The following LAMA1 variants were observed in gnomAD, a reference collection of about 807,000 sequenced individuals.
LAMA1 encodes the protein laminin subunit alpha-1.
Under a neutral mutation model 348.7 loss-of-function variants are expected in LAMA1, and 219 were observed. That is an observed-to-expected ratio of 0.63 (90% confidence interval 0.56 to 0.70). The LOEUF (loss-of-function observed/expected upper bound fraction) is 0.70. Ranked by LOEUF, LAMA1 falls within the 30% of genes least tolerant of loss-of-function variation. The pLI is 0.00. For synonymous variants in LAMA1, 1,487 were observed against 1,491.0 expected (o/e 1.00, Z 0.06); for missense variants, 3,744 against 3,888.0 (o/e 0.96, Z 0.99).
At chr18:6,961,482 AG>A in intron 53 of LAMA1, 103 bp downstream of exon 53, 1 of 1,374,620 alleles carries the variant, frequency 7.3e-7, no homozygotes, top group African/African-American at 1.4e-5. Context: ...ATAAACAACC[AG>A]GAACACGGTG....
At chr18:6,974,844 A>T in intron 46 of LAMA1, 59 bp downstream of exon 46, 1 of 1,601,184 alleles carries the variant, frequency 6.2e-7, no homozygotes, top group South Asian at 1.1e-5. Flanking sequence ...CAAGCATGTA[A>T]TTACTTATGA....
chr18:7,010,800 GT>G (rs1189310793), intron 25 of LAMA1, among the ~76,000 whole-genome samples: 4 of 152,222 alleles, frequency 2.6e-5, no homozygotes, highest in African/African-American at 4.8e-5. Context: ...TTTTATAGTA[GT>G]TTTTTCCCCC....
intron 29 of LAMA1, among the ~76,000 whole-genome samples, chr18:7,004,450 T>A (rs1470851888): frequency 6.6e-6 from 1 of 152,130 alleles, no homozygotes; most frequent in African/African-American, 2.4e-5. Flanking sequence ...CCTCCTGGGT[T>A]CAAGTGATTC....
At chr18:7,032,469 T>A (rs2057974700) in intron 15 of LAMA1, among the ~76,000 whole-genome samples, 2 of 152,222 alleles carry the variant, frequency 1.3e-5, no homozygotes, top group Admixed American at 1.3e-4. Flanking sequence ...GTTATGGTAT[T>A]AATATCAATA....
intron 3 of LAMA1, among the ~76,000 whole-genome samples, chr18:7,062,708 C>T (rs1364806646): frequency 6.6e-6 from 1 of 152,126 alleles, no homozygotes; most frequent in Non-Finnish European, 1.5e-5. Context: ...TCTTCCAGCT[C>T]GATCAGATCC....
Position 6,955,468 on chromosome 18 carries a change from G to A in LAMA1, c.8095-3C>T. 6.2e-7 allele frequency: 1 copy of A among 1,612,186 alleles called. No individual in the cohort carries two copies. Among genetic ancestry groups the A allele is most frequent in the East Asian group, 2.2e-5 (1 of 44,848 alleles). ...GCTGCATCCACCACACACTGTTCCTGTAAGAGACACACAGGGACACTCAGC... is the reference window on the plus strand; with the variant it reads ...GCTGCATCCACCACACACTGTTCCTATAAGAGACACACAGGGACACTCAGC... On this transcript the variant is annotated splice_polypyrimidine_tract_variant and splice_region_variant and intron_variant, in intron 56 of 62. Transcript: ENST00000389658.
At chr18:7,036,143 T>G in intron 12 of LAMA1, 55 bp from the exon 13 acceptor site, 1 of 1,275,162 alleles carries the variant, frequency 7.8e-7, no homozygotes, top group Non-Finnish European at 1.1e-6. Flanking sequence ...ACAGCAACAA[T>G]CAAGTAAGAG....
intron 36 of LAMA1, among the ~76,000 whole-genome samples, chr18:6,990,343 C>T (rs188751871): frequency 2.6e-5 from 4 of 152,052 alleles, no homozygotes; most frequent in African/African-American, 9.7e-5. Flanking sequence ...AGAAGGGTAA[C>T]GGTGGGAGGG....
At position 6,943,041 on chromosome 18, in the gene LAMA1, A is replaced by G; in HGVS notation, c.9067+139T>C. ...TATCCAAGAATTCTTAGATATTTGA[A>G]ATAGCCTTTCTAAAATGGTAAAGGA... On this transcript the variant is annotated intron_variant, in intron 62 of 62. Transcript: ENST00000389658. 1.5e-5 allele frequency: 11 copies of G among 741,480 alleles called. No homozygotes were observed. In the South Asian group the frequency reaches 1.5e-4, roughly 10 times the overall value. 45.9% of individuals were successfully genotyped at this position (741,480 alleles called of 1,614,324 possible).
intron 1 of LAMA1, among the ~76,000 whole-genome samples, chr18:7,081,686 C>T (rs1437365429): frequency 1.3e-5 from 2 of 152,108 alleles, no homozygotes; most frequent in Admixed American, 1.3e-4. Flanking sequence ...GGGATAGCAG[C>T]AGTGAAGATT....
At chr18:7,057,801 T>TC (rs201722285) in intron 3 of LAMA1, among the ~76,000 whole-genome samples, 6,132 of 140,070 alleles carry the variant, frequency 0.044, 404 homozygotes, top group African/African-American at 0.16. Context: ...TTTCTTTCTT[T>TC]TTTTTTTTTT....
chr18:6,964,434 T>G (rs2057623097), intron 51 of LAMA1, among the ~76,000 whole-genome samples: 1 of 152,146 alleles, frequency 6.6e-6, no homozygotes, highest in Non-Finnish European at 1.5e-5. Context: ...GGCCAAGGAA[T>G]CCCTGAGGCG....
At chr18:6,988,107 G>A (rs1369988508) in intron 36 of LAMA1, among the ~76,000 whole-genome samples, 6 of 152,060 alleles carry the variant, frequency 3.9e-5, no homozygotes, top group South Asian at 2.1e-4. Context: ...GAGTGAGACC[G>A]TGTCTCAAAA....
intron 1 of LAMA1, among the ~76,000 whole-genome samples, chr18:7,117,190 T>C (rs1226718406): frequency 6.6e-6 from 1 of 152,082 alleles, no homozygotes; most frequent in Admixed American, 6.5e-5. Context: ...CGACCCAGCT[T>C]GCGCAGCCGG....
chr18:6,961,456 T>C (rs923004222), intron 53 of LAMA1, 130 bp downstream of exon 53: 17 of 1,042,508 alleles, frequency 1.6e-5, no homozygotes, highest in Middle Eastern at 3.1e-4. Context: ...CTTTTACTTA[T>C]TGAAAATGCA....
At chr18:6,961,510 A>G (rs1054601099) in intron 53 of LAMA1, 76 bp downstream of exon 53, 3 of 1,528,070 alleles carry the variant, frequency 2.0e-6, no homozygotes, top group Non-Finnish European at 2.7e-6. Context: ...AATGTTTATG[A>G]GTCAGTCATT....
chr18:6,997,628 G>C, intron 33 of LAMA1, 114 bp downstream of exon 33: 1 of 1,131,472 alleles, frequency 8.8e-7, no homozygotes, highest in East Asian at 2.4e-5. Context: ...GGGGCTGATG[G>C]AAGTTGGGCT....
intron 35 of LAMA1, 44 bp downstream of exon 35, chr18:6,993,597 C>T: frequency 7.5e-7 from 1 of 1,329,226 alleles, no homozygotes; most frequent in South Asian, 1.2e-5. Context: ...TGACTTCTTA[C>T]TAGATAAGCA....
intron 22 of LAMA1, 39 bp from the exon 23 acceptor site, chr18:7,014,090 T>C (rs1368010591): frequency 4.1e-6 from 6 of 1,478,558 alleles, no homozygotes; most frequent in Non-Finnish European, 4.7e-6. Context: ...AAAAGGCAGA[T>C]TTGATGCTTC....
Sources: gnomAD v4.1 joint callset for allele counts (sites outside exome capture counted in the v4.1 genomes callset) on GRCh38, gnomAD v4.1.1 for gene constraint, MANE v1.5 for transcripts, NCBI Gene and HGNC (gene_info 2026-07-23, HGNC 2026-07-21) for gene names.